COL20A1: variants seen among roughly 807,000 people sequenced by gnomAD.
COL20A1 encodes the protein collagen type XX alpha 1 chain, also known as collagen alpha-1(XX) chain.
A neutral mutation model predicts 152.9 loss-of-function variants in COL20A1; 164 were observed. The ratio of observed to expected loss-of-function variants is 1.07; its 90% CI spans 0.94 to 1.22. COL20A1 has a LOEUF of 1.22. Ranked by LOEUF, COL20A1 falls within the 50% of genes most tolerant of loss-of-function variation. The pLI, the probability that COL20A1 is intolerant of heterozygous loss-of-function variation, is 0.00. For synonymous variants in COL20A1, 864 were observed against 756.0 expected, an observed-to-expected ratio of 1.14 and a Z score of -2.34; for missense variants, 1,873 against 1,744.8, an observed-to-expected ratio of 1.07 and a Z score of -1.31.
At chr20:63,297,474 C>G (rs1433782595) in intron 2 of COL20A1, among the ~76,000 whole-genome samples, 1 of 152,118 alleles carries the variant, frequency 6.6e-6, no homozygotes, top group African/African-American at 2.4e-5. Flanking sequence ...GGCCCCAGCT[C>G]AGGGGACTCA....
intron 27 of COL20A1, among the ~76,000 whole-genome samples, chr20:63,323,554 G>A (rs1022672944): frequency 6.6e-6 from 1 of 152,188 alleles, no homozygotes; most frequent in Non-Finnish European, 1.5e-5. Context: ...GGACGGGGAG[G>A]ACTCCAGCTT....
rs368291472 is a variant in COL20A1, at chr20:63,308,540, A to G, written c.776-2A>G. On this transcript the variant is annotated splice_acceptor_variant, in intron 7 of 35. Transcript: ENST00000358894. LOFTEE classifies it high-confidence loss of function. ...TGTCACTTTATTCCTGCTGCTCCCA[A>G]GGCCTTGCCCTGACCCACGTGCTGG... The G allele has an allele frequency of 3.8e-6, 6 of 1,585,636 alleles. No individual in the cohort carries two copies. The highest frequency in any genetic ancestry group is 4.3e-6 in the Non-Finnish European group (5 of 1,166,754).
Position 63,305,437 on chromosome 20 carries a change from A to T in COL20A1, c.214A>T (p.Ile72Leu), listed in dbSNP as rs1358552091. The T allele has an allele frequency of 1.9e-6, 3 of 1,584,696 alleles. No individual in the cohort carries two copies. The African/African-American group carries it at 4.1e-5, about 22-fold the overall frequency. The change falls in exon 4 of 36, where the codon ATA (isoleucine) becomes TTA (leucine). Residue 72 changes from isoleucine (I) to leucine (L), a missense_variant. Transcript: ENST00000358894. The surrounding 1 kb of genome is among the most constrained non-coding windows in gnomAD (Gnocchi z 4.9). ...CCCAGGGGACTCGGAACAGGAGGTGATACTGACCACCAAGACCCCTAAGGC... is the reference window on the plus strand; with the variant it reads ...CCCAGGGGACTCGGAACAGGAGGTGTTACTGACCACCAAGACCCCTAAGGC... ...PMAGDSEQEVILTTKTPKATV... is the reference protein window; with the variant it reads ...PMAGDSEQEVLLTTKTPKATV...
In COL20A1 at chr20:63,297,094, CGTGCACACACGTGCCAAT is replaced by C. The variant is rs1374699007; in HGVS notation, c.83-805_83-788del. On this transcript the variant is annotated intron_variant, in intron 2 of 35. Transcript: ENST00000358894. ...TGGCATGGACGCACACATGTACCAA[CGTGCACACACGTGCCAAT>C]GTGCACACACTTCCAGTGTGGGATT... is the stretch of plus-strand genomic sequence containing the variant. 3.3e-5 allele frequency among the ~76,000 whole-genome samples: 5 copies of C among 152,224 alleles called. No individual in the cohort carries two copies. The South Asian group carries it at 1.0e-3, about 32-fold the overall frequency.
At chr20:63,308,117 T>G (rs41302958) in intron 7 of COL20A1, 27 bp downstream of exon 7, 1 of 1,609,436 alleles carries the variant, frequency 6.2e-7, no homozygotes, top group Middle Eastern at 1.7e-4. Context: ...CCCCTCCCTC[T>G]GTCCTGAGGG....
In COL20A1 at chr20:63,313,927, G is replaced by A. The variant is rs201867682; in HGVS notation, c.2358+36G>A. 3.8e-3 allele frequency: 6,057 copies of A among 1,582,276 alleles called. 15 individuals are homozygous for A. The highest frequency in any genetic ancestry group is 4.8e-3 in the Non-Finnish European group (5,596 of 1,164,038). ...GTAGAGCCTGAGGCTGCCCCACCTC[G>A]TGGGGCCTCCTGGAAGGGGTATGGC... On this transcript the variant is annotated intron_variant, in intron 18 of 35. Coordinates refer to ENST00000358894, the MANE Select transcript of COL20A1 (RefSeq NM_020882.4). This position sits in a 1 kb window ranked among gnomAD's most constrained non-coding sequence, Gnocchi z 5.9.
In COL20A1 at chr20:63,319,915, G is replaced by A; in HGVS notation, c.2917-124G>A. 3 of 944,426 alleles carry A rather than the reference G, an allele frequency of 3.2e-6. No individual in the cohort carries two copies. Among genetic ancestry groups the A allele is most frequent in the South Asian group, 3.4e-5 (2 of 58,898 alleles). 58.5% of individuals were successfully genotyped at this position (944,426 alleles called of 1,614,324 possible). On this transcript the variant is annotated intron_variant, in intron 23 of 35. Transcript: ENST00000358894. This position sits in a 1 kb window ranked among gnomAD's most constrained non-coding sequence, Gnocchi z 4.4. ...CAGGGTCCCCCGAAACCTGAGGTGAGGTCAGGTTCCTGACCCCAGGTCCCA... is the reference window on the plus strand; with the variant it reads ...CAGGGTCCCCCGAAACCTGAGGTGAAGTCAGGTTCCTGACCCCAGGTCCCA...
chr20:63,309,674 C>T, intron 9 of COL20A1, 84 bp from the exon 10 acceptor site: 2 of 1,355,940 alleles, frequency 1.5e-6, no homozygotes, highest in Non-Finnish European at 9.9e-7. Flanking sequence ...TTTCCTGTCC[C>T]TCCTGTGAGT....
At chr20:63,326,708 T>A in intron 30 of COL20A1, 44 bp from the exon 31 acceptor site, 1 of 1,325,538 alleles carries the variant, frequency 7.5e-7, no homozygotes, top group Non-Finnish European at 9.9e-7. Flanking sequence ...GGGAGCAGAT[T>A]TGCTGGGGGC....
intron 9 of COL20A1, 66 bp downstream of exon 9, chr20:63,309,563 G>GCCACAGCGTCCCCCCA: frequency 7.1e-7 from 1 of 1,399,846 alleles, no homozygotes; most frequent in Non-Finnish European, 9.4e-7. Flanking sequence ...GGGTTGGGGG[G>GCCACAGCGTCCCCCCA]ACGCTGTGGC....
intron 27 of COL20A1, among the ~76,000 whole-genome samples, chr20:63,323,084 C>T (rs1244298066): frequency 6.6e-6 from 1 of 152,294 alleles, no homozygotes. Flanking sequence ...TCTTGCATTC[C>T]TGGCTGCTTT....
chr20:63,320,284 G>C lies in COL20A1; in HGVS notation c.3076-7G>C. The C allele has an allele frequency of 6.2e-7, 1 of 1,609,360 alleles. No individual in the cohort carries two copies. Among genetic ancestry groups the C allele is most frequent in the Non-Finnish European group, 8.5e-7 (1 of 1,179,768 alleles). On this transcript the variant is annotated splice_polypyrimidine_tract_variant and splice_region_variant and intron_variant, in intron 24 of 35. Transcript: ENST00000358894. Reference sequence around the variant, plus strand: ...CCCGGGGCTGAGCCGGCTCCCCTGCGTTGCAGTTTCAGCTCCAGATGCTGC... The same window carrying C: ...CCCGGGGCTGAGCCGGCTCCCCTGCCTTGCAGTTTCAGCTCCAGATGCTGC...
At chr20:63,303,000 T>A (rs1384201530) in intron 3 of COL20A1, among the ~76,000 whole-genome samples, 1 of 152,208 alleles carries the variant, frequency 6.6e-6, no homozygotes, top group East Asian at 1.9e-4. Context: ...GTCTGGTGTG[T>A]CTTGTGAAGT....
Position 63,325,503 on chromosome 20 carries a change from G to T in COL20A1, c.3348+9G>T, listed in dbSNP as rs2068231649. 4 of 1,611,646 alleles carry T rather than the reference G, an allele frequency of 2.5e-6. No individual in the cohort carries two copies. In the East Asian group the frequency reaches 8.9e-5, roughly 36 times the overall value. ...GGCTTCCAGGCTTGCAGGTAGTGTG[G>T]CTGGGGCCAGGGGGCCACAGGGGTT... On this transcript the variant is annotated intron_variant, in intron 28 of 35. Coordinates refer to ENST00000358894, the MANE Select transcript of COL20A1 (RefSeq NM_020882.4).
chr20:63,307,778 T>C, intron 6 of COL20A1, 130 bp downstream of exon 6: 1 of 1,217,320 alleles, frequency 8.2e-7, no homozygotes, highest in Non-Finnish European at 1.1e-6. Context: ...GGACGCCTGC[T>C]CCACATGGGG....
intron 2 of COL20A1, among the ~76,000 whole-genome samples, chr20:63,296,973 T>C (rs1027198747): frequency 4.6e-5 from 7 of 152,118 alleles, no homozygotes; most frequent in Non-Finnish European, 1.0e-4. Flanking sequence ...ACCAACCCTC[T>C]CCAGAGCCCT....
Position 63,311,361 on chromosome 20 carries a change from T to C in COL20A1, c.1394-33T>C, listed in dbSNP as rs1175977563. On this transcript the variant is annotated intron_variant, in intron 11 of 35. Transcript: ENST00000358894. This position sits in a 1 kb window ranked among gnomAD's most constrained non-coding sequence, Gnocchi z 4.4. The stretch of plus-strand genomic sequence containing the variant: ...GCGTGGGTGTGATCTCTGTGTGGGC[T>C]CCTTCCTAAAGTGTCCCTGCATGGC... 2.1e-5 allele frequency: 32 copies of C among 1,550,262 alleles called. No individual in the cohort carries two copies. Among genetic ancestry groups the C allele is most frequent in the Non-Finnish European group, 2.8e-5 (32 of 1,149,164 alleles).
At chr20:63,328,057 G>A (rs754169840) in intron 32 of COL20A1, 22 bp from the exon 33 acceptor site, 21 of 1,613,346 alleles carry the variant, frequency 1.3e-5, no homozygotes, top group Admixed American at 1.7e-5. Flanking sequence ...GGGTCCCAAA[G>A]CTGCACCACC....
rs749814276 is a variant in COL20A1, at chr20:63,321,050, G to C, written c.3191G>C (p.Cys1064Ser). ...GETCPAFVSA[C>S]SCSSETPGPP... ...ACCTGCCCCGCCTTCGTGTCTGCCTGTTCCTGTTCCTCAGAGACCCCTGGG... is the reference window on the plus strand; with the variant it reads ...ACCTGCCCCGCCTTCGTGTCTGCCTCTTCCTGTTCCTCAGAGACCCCTGGG... The change falls in exon 26 of 36, where the codon TGT becomes TCT. Residue 1064 changes from cysteine to serine, a missense_variant. Physicochemically the swap from Cys to Ser is moderately radical, Grantham distance 112. Transcript: ENST00000358894. 1.2e-6 allele frequency: 2 copies of C among 1,601,872 alleles called. No homozygotes were observed. Among genetic ancestry groups the C allele is most frequent in the Non-Finnish European group, 1.7e-6 (2 of 1,175,024 alleles).
Sources: allele counts gnomAD v4.1 joint callset (sites outside exome capture counted in the v4.1 genomes callset), GRCh38; gene constraint gnomAD v4.1.1; non-coding constraint Gnocchi (gnomAD v3.1); transcripts MANE v1.5; gene names NCBI Gene and HGNC (gene_info 2026-07-23, HGNC 2026-07-21).